Variants in QRICH2 observed in about 807,000 individuals in gnomAD.
QRICH2 encodes the protein glutamine rich 2.
A neutral mutation model predicts 168.3 loss-of-function variants in QRICH2; 119 were observed. The ratio of observed to expected loss-of-function variants is 0.71; its 90% CI spans 0.61 to 0.82. The LOEUF is 0.82. Ranked by LOEUF, QRICH2 falls within the 40% of genes least tolerant of loss-of-function variation. The probability of loss-of-function intolerance (pLI) is 0.00; values close to 1 mark genes in which losing one functional copy is unlikely to be tolerated. For missense variants in QRICH2, 2,241 were observed against 2,491.6 expected, an observed-to-expected ratio of 0.90 and a Z score of 2.14; for synonymous variants, 894 against 951.2, an observed-to-expected ratio of 0.94 and a Z score of 1.11.
Position 76,291,768 on chromosome 17 carries a change from T to C in QRICH2, c.2959A>G (p.Lys987Glu). The C allele has an allele frequency of 6.2e-7, 1 of 1,614,166 alleles. No individual in the cohort carries two copies. The highest frequency in any genetic ancestry group is 8.5e-7 in the Non-Finnish European group (1 of 1,180,028). The change falls in exon 4 of 19, where the codon AAG becomes GAG. Residue 987 changes from lysine to glutamate, a missense_variant. This residue lies in a region of QRICH2 where 2,047 missense variants were observed against 2,303.8 expected (regional missense o/e 0.89). Transcript: ENST00000680821. ...YQPGLIAPGT[K>E]LRGSSTFQAD... Reference sequence around the variant, plus strand: ...TGGAATGTTGAAGAGCCACGAAGCTTTGTGCCTGGTGCTATCAAGCCTGGC... The same window carrying C: ...TGGAATGTTGAAGAGCCACGAAGCTCTGTGCCTGGTGCTATCAAGCCTGGC...
Position 76,307,565 on chromosome 17 carries a change from A to G in QRICH2, c.434T>C (p.Leu145Pro). The G allele has an allele frequency of 1.3e-6, 2 of 1,579,616 alleles. No homozygotes were observed. The highest frequency in any genetic ancestry group is 1.4e-5 in the African/African-American group (1 of 73,864). The change falls in exon 1 of 19, where the codon CTA (leucine) becomes CCA (proline). Residue 145 changes from leucine (L) to proline (P), a missense_variant. Transcript: ENST00000680821. This position sits in a 1 kb window ranked among gnomAD's most constrained non-coding sequence, Gnocchi z 5.3. ...SQASGLDLAA[L>P]EWPEEQEVGV... ...CACCTCCTGCTCCTCCGGCCACTCT[A>G]GCGCGGCCAGGTCAAGCCCGCTGGC...
Position 76,308,261 on chromosome 17 carries a change from G to A in QRICH2, c.-263C>T. The A allele has an allele frequency of 2.0e-6, 2 of 985,400 alleles. No homozygotes were observed. Among genetic ancestry groups the A allele is most frequent in the East Asian group, 1.1e-4 (1 of 8,812 alleles). 61.0% of individuals were successfully genotyped at this position (985,400 alleles called of 1,614,324 possible). A position where few individuals can be genotyped will look rare whatever the true frequency, so the allele number is the denominator to read the frequency against. On this transcript the variant is annotated 5_prime_UTR_variant, in exon 1 of 19. Coordinates refer to ENST00000680821, the MANE Select transcript of QRICH2 (RefSeq NM_001388453.1). Reference sequence around the variant, plus strand: ...CTGGAGCCCTGGACTCCCAGTCCCCGCGCCGGCGGACGTTTGAAACGTGGG... The same window carrying A: ...CTGGAGCCCTGGACTCCCAGTCCCCACGCCGGCGGACGTTTGAAACGTGGG...
Position 76,293,954 on chromosome 17 carries a change from G to A in QRICH2, c.773C>T (p.Thr258Ile), listed in dbSNP as rs1184294838. The A allele has an allele frequency of 2.5e-6, 4 of 1,614,040 alleles. No homozygotes were observed. In the African/African-American group the frequency reaches 4.0e-5, roughly 16 times the overall value. Residue 258 changes from threonine (T) to isoleucine (I), a missense_variant, in exon 4 of 19, where the codon ACT becomes ATT. This residue lies in a region of QRICH2 where 2,047 missense variants were observed against 2,303.8 expected (regional missense o/e 0.89). Transcript: ENST00000680821. ...TTGCTTGGTAGAGTCTCCGCTTAGA[G>A]TCCCTTCAGGTGATGTTAAGGAAGT... ...GFTSLTSPEGTLSGDSTKQPS... is the reference protein window; with the variant it reads ...GFTSLTSPEGILSGDSTKQPS...
chr17:76,296,795 A>T lies in QRICH2; in HGVS notation c.706-2774T>A, dbSNP rs10153313. The stretch of plus-strand genomic sequence containing the variant: ...TCTGTCTCAAAAAAAAAAAAAAAAA[A>T]AAATAACCAGAAAGAAGGGAGATGA... On this transcript the variant is annotated intron_variant, in intron 3 of 18. Transcript: ENST00000680821. Among the ~76,000 whole-genome samples the T allele has an allele frequency of 1.4e-3, 219 of 151,848 alleles. 1 individual carries two copies. Among genetic ancestry groups the T allele is most frequent in the Non-Finnish European group, 2.0e-3 (134 of 67,936 alleles).
In QRICH2 at chr17:76,282,217, G is replaced by A. The variant is rs116407909; in HGVS notation, c.4012-102C>T. Reference sequence around the variant, plus strand: ...CTAGCCTGTGTGCCTCTCCCCTGTCGTGCCCTGGGCAGTTGCTGCATCCTC... The same window carrying A: ...CTAGCCTGTGTGCCTCTCCCCTGTCATGCCCTGGGCAGTTGCTGCATCCTC... On this transcript the variant is annotated intron_variant, in intron 7 of 18. Transcript: ENST00000680821. 2,143 of 1,424,138 alleles carry A rather than the reference G, an allele frequency of 1.5e-3. 40 individuals carry two copies. In the African/African-American group the frequency reaches 0.025, roughly 17 times the overall value. The allele number at this position is 1,424,138 out of a possible 1,614,324, so 88.2% of individuals were successfully genotyped here.
rs1004383347 is a variant in QRICH2, at chr17:76,275,702, C to A, written c.5482+117G>T. ...TCCTCTTTTCCACACCCATCCCCCC[C>A]TTCGGCTCCCAGGCCCTCCCCTCTC... On this transcript the variant is annotated intron_variant, in intron 18 of 18. Coordinates refer to ENST00000680821, the MANE Select transcript of QRICH2 (RefSeq NM_001388453.1). The A allele has an allele frequency of 3.7e-6, 5 of 1,335,418 alleles. No homozygotes were observed. In the African/African-American group the frequency reaches 4.4e-5, roughly 12 times the overall value. 82.7% of individuals were successfully genotyped at this position (1,335,418 alleles called of 1,614,324 possible). A position where few individuals can be genotyped will look rare whatever the true frequency, so the allele number is the denominator to read the frequency against.
At position 76,279,423 on chromosome 17, in the gene QRICH2, AG is replaced by A; in HGVS notation, c.4753del (p.Leu1585SerfsTer18). 1 of 1,611,112 alleles carries A rather than the reference AG, an allele frequency of 6.2e-7. No individual in the cohort carries two copies. Among genetic ancestry groups the A allele is most frequent in the Non-Finnish European group, 8.5e-7 (1 of 1,178,656 alleles). On this transcript the variant is annotated frameshift_variant, in exon 13 of 19. Transcript: ENST00000680821. LOFTEE classifies it high-confidence loss of function. ...TGAGAGGCAGTGGAAATGTGCCAGGAGCTGCCTGTTAGGAATGGGACGCACA... is the reference window on the plus strand; with the variant it reads ...TGAGAGGCAGTGGAAATGTGCCAGGACTGCCTGTTAGGAATGGGACGCACA... ...ADEAAAMRRQLLAHFHCLSCD... is the reference protein window; with the variant it reads ...ADEAAAMRRQXLAHFHCLSCD...
rs2071043218 is a variant in QRICH2, at chr17:76,293,163, G to T, written c.1564C>A (p.Gln522Lys). ...QQGLTLPVVDQHGLVLPFTDQ... is the reference protein window; with the variant it reads ...QQGLTLPVVDKHGLVLPFTDQ... ...GTAAAAGGTAGAACCAGGCCATGTTGATCGACGACAGGCAATGTCAATCCT... is the reference window on the plus strand; with the variant it reads ...GTAAAAGGTAGAACCAGGCCATGTTTATCGACGACAGGCAATGTCAATCCT... The change falls in exon 4 of 19, where the codon CAA becomes AAA. Residue 522 changes from glutamine to lysine, a missense_variant. Physicochemically the swap from Gln to Lys is moderately conservative, Grantham distance 53. Transcript: ENST00000680821. 1 of 1,614,234 alleles carries T rather than the reference G, an allele frequency of 6.2e-7. No individual in the cohort carries two copies. Among genetic ancestry groups the T allele is most frequent in the African/African-American group, 1.3e-5 (1 of 75,070 alleles).
chr17:76,310,041 A>G (rs1199782274), upstream of QRICH2: 1 of 149,946 alleles, frequency 6.7e-6, no homozygotes, highest in Non-Finnish European at 1.5e-5. Flanking sequence ...GCTGGAGTGC[A>G]GTGGCACAAT....
intron 5 of QRICH2, among the ~76,000 whole-genome samples, chr17:76,289,103 C>CAA (rs541768411): frequency 2.9e-4 from 24 of 81,500 alleles, no homozygotes; most frequent in South Asian, 1.1e-3. Flanking sequence ...GACTGTGTCT[C>CAA]AAAAAAAAAA....
At chr17:76,274,946 T>TG (rs2070647522) in intron 18 of QRICH2, among the ~76,000 whole-genome samples, 1 of 152,244 alleles carries the variant, frequency 6.6e-6, no homozygotes, top group South Asian at 2.1e-4. Flanking sequence ...ACCTGGTCTG[T>TG]GGGGGGCCCT....
At position 76,307,987 on chromosome 17, in the gene QRICH2, C is replaced by T. The variant is rs1016016431; in HGVS notation, c.12G>A (p.Ala4=). The stretch of plus-strand genomic sequence containing the variant: ...CCAGCTCCCGGAGGGAGACCGTGGT[C>T]GCGGGCGGCATCGTGGCTGTCAGGA... MPP[A]TTVSLRELAD... Residue 4 remains alanine, a synonymous_variant, in exon 1 of 19, where the codon GCG becomes GCA. Transcript: ENST00000680821. The surrounding 1 kb of genome is among the most constrained non-coding windows in gnomAD (Gnocchi z 5.3). 3 of 1,232,800 alleles carry T rather than the reference C, an allele frequency of 2.4e-6. No homozygotes were observed. The highest frequency in any genetic ancestry group is 4.1e-5 in the South Asian group (1 of 24,496). The allele number at this position is 1,232,800 out of a possible 1,614,324, so 76.4% of individuals were successfully genotyped here. A position where few individuals can be genotyped will look rare whatever the true frequency, so the allele number is the denominator to read the frequency against.
In QRICH2 at chr17:76,280,974, A is replaced by T. The variant is rs1276373125; in HGVS notation, c.4264-21T>A. The T allele has an allele frequency of 2.5e-6, 4 of 1,602,442 alleles. No individual in the cohort carries two copies. Among genetic ancestry groups the T allele is most frequent in the Non-Finnish European group, 3.4e-6 (4 of 1,179,098 alleles). ...TCGTCCTGCGGCAGGAGGGATGGGA[A>T]GGCTCTCGGAGGCTGCTGGCGCGAT... On this transcript the variant is annotated intron_variant, in intron 8 of 18. Coordinates refer to ENST00000680821, the MANE Select transcript of QRICH2 (RefSeq NM_001388453.1). This position sits in a 1 kb window ranked among gnomAD's most constrained non-coding sequence, Gnocchi z 7.4.
At position 76,291,597 on chromosome 17, in the gene QRICH2, G is replaced by A; in HGVS notation, c.3130C>T (p.Pro1044Ser). Residue 1044 changes from proline (P) to serine (S), a missense_variant, in exon 4 of 19, where the codon CCA becomes TCA. This residue lies in a region of QRICH2 where 2,047 missense variants were observed against 2,303.8 expected (regional missense o/e 0.89). Coordinates refer to ENST00000680821, the MANE Select transcript of QRICH2 (RefSeq NM_001388453.1). ...PGIDRRSLVPPETYQQGLMHP... is the reference protein window; with the variant it reads ...PGIDRRSLVPSETYQQGLMHP... ...ATCAAACCTTGCTGATAAGTTTCTG[G>A]TGGTACCAAACTCCTTCGATCTATA... is the stretch of plus-strand genomic sequence containing the variant. The A allele has an allele frequency of 6.2e-7, 1 of 1,614,096 alleles. No homozygotes were observed. Among genetic ancestry groups the A allele is most frequent in the Non-Finnish European group, 8.5e-7 (1 of 1,180,022 alleles).
At position 76,280,308 on chromosome 17, in the gene QRICH2, C is replaced by T. The variant is rs779750154; in HGVS notation, c.4605G>A (p.Leu1535=). 1.9e-6 allele frequency: 3 copies of T among 1,614,044 alleles called. No individual in the cohort carries two copies. Among genetic ancestry groups the T allele is most frequent in the Non-Finnish European group, 2.5e-6 (3 of 1,180,028 alleles). ...TCACCTTGTTGTCCATCTCTGTGAG[C>T]AGCCTGTCCAGCATCTTCTGCCAGT... The part of the protein sequence containing the change: ...EQDWQKMLDR[L]LTEMDNKLDR... Residue 1535 remains leucine, a synonymous_variant, in exon 11 of 19, where the codon CTG becomes CTA. Transcript: ENST00000680821. The surrounding 1 kb of genome is among the most constrained non-coding windows in gnomAD (Gnocchi z 7.4).
At position 76,291,973 on chromosome 17, in the gene QRICH2, C is replaced by T. The variant is rs755508470; in HGVS notation, c.2754G>A (p.Gln918=). Residue 918 remains glutamine (Q), a synonymous_variant, in exon 4 of 19, where the codon CAG becomes CAA. Transcript: ENST00000680821. ...CTGCCTGAGGTTGCACCATACCTTG[C>T]TGACCTATTCCAGGCTGCACCATAC... The part of the protein sequence containing the change: ...QLGMVQPGIG[Q]QGMVQPQADP... The T allele has an allele frequency of 5.6e-6, 9 of 1,614,102 alleles. No individual in the cohort carries two copies. The highest frequency in any genetic ancestry group is 7.6e-6 in the Non-Finnish European group (9 of 1,180,042).
chr17:76,296,391 G>A (rs1219745768), intron 3 of QRICH2, among the ~76,000 whole-genome samples: 1 of 152,214 alleles, frequency 6.6e-6, no homozygotes, highest in East Asian at 1.9e-4. Context: ...GTGCAGGGAG[G>A]GGGAATTGAG....
chr17:76,301,158 A>G (rs1219939049), intron 3 of QRICH2, among the ~76,000 whole-genome samples: 2 of 152,162 alleles, frequency 1.3e-5, no homozygotes, highest in Admixed American at 6.6e-5. Context: ...TCGAGGTTGC[A>G]GTAAGCCCTT....
In QRICH2 at chr17:76,307,540, C is replaced by CA. The variant is rs1480503251; in HGVS notation, c.458dup (p.Val155ArgfsTer6). ...GCACCCTATCGAACGCCCGCACGCC[C>CA]ACCTCCTGCTCCTCCGGCCACTCTA... On this transcript the variant is annotated frameshift_variant, in exon 1 of 19. Coordinates refer to ENST00000680821, the MANE Select transcript of QRICH2 (RefSeq NM_001388453.1). LOFTEE classifies it high-confidence loss of function. This position sits in a 1 kb window ranked among gnomAD's most constrained non-coding sequence, Gnocchi z 5.3. 1.2e-5 allele frequency: 19 copies of CA among 1,598,910 alleles called. No homozygotes were observed. Among genetic ancestry groups the CA allele is most frequent in the Non-Finnish European group, 1.7e-6 (2 of 1,173,340 alleles).
Sources: allele counts gnomAD v4.1 joint callset (sites outside exome capture counted in the v4.1 genomes callset), GRCh38; gene constraint gnomAD v4.1.1; regional missense constraint gnomAD v4.1.1; non-coding constraint Gnocchi (gnomAD v3.1); transcripts MANE v1.5; gene names NCBI Gene and HGNC (gene_info 2026-07-23, HGNC 2026-07-21).